SDK1: variants seen among roughly 807,000 people sequenced by gnomAD.
SDK1 encodes sidekick cell adhesion molecule 1.
A neutral mutation model predicts 245.5 loss-of-function variants in SDK1; 157 were observed. The ratio of observed to expected loss-of-function variants is 0.64; its 90% CI spans 0.56 to 0.73. The LOEUF (loss-of-function observed/expected upper bound fraction) is 0.73. Among genes scored for constraint, SDK1 ranks in the 30% least tolerant of loss-of-function variants. SDK1 has a pLI of 0.00. For synonymous variants in SDK1, 1,647 were observed against 1,278.5 expected, an observed-to-expected ratio of 1.29 and a Z score of -6.15; for missense variants, 3,583 against 3,002.3, an observed-to-expected ratio of 1.19 and a Z score of -4.52.
At chr7:4,000,913 A>G (rs1259187602) in intron 14 of SDK1, among the ~76,000 whole-genome samples, 1 of 152,004 alleles carries the variant, frequency 6.6e-6, no homozygotes, top group Non-Finnish European at 1.5e-5. Context: ...AGAGGTGTTT[A>G]TGAAGGGGGG....
At chr7:4,235,870 C>G (rs975023602) in intron 41 of SDK1, among the ~76,000 whole-genome samples, 1 of 152,216 alleles carries the variant, frequency 6.6e-6, no homozygotes, top group Non-Finnish European at 1.5e-5. Context: ...GGTGTCCTGC[C>G]CCGTATGAGA....
At chr7:4,217,009 C>G (rs1276770327) in intron 38 of SDK1, among the ~76,000 whole-genome samples, 2 of 138,402 alleles carry the variant, frequency 1.4e-5, no homozygotes, top group South Asian at 2.6e-4. Flanking sequence ...ACCAGGCCAC[C>G]CGGAGCACCA....
chr7:3,938,642 T>A (rs1780246321), intron 5 of SDK1, among the ~76,000 whole-genome samples: 1 of 120,130 alleles, frequency 8.3e-6, no homozygotes, highest in Non-Finnish European at 1.5e-5. Flanking sequence ...TGAGACTCCG[T>A]CTCAAAAAAA....
chr7:3,308,207 A>C (rs1779466358), intron 1 of SDK1, among the ~76,000 whole-genome samples: 1 of 152,178 alleles, frequency 6.6e-6, no homozygotes, highest in South Asian at 2.1e-4. Flanking sequence ...GCTTATTTAT[A>C]TACATGGCTG....
At chr7:3,925,921 A>C (rs1177580260) in intron 5 of SDK1, among the ~76,000 whole-genome samples, 1 of 152,174 alleles carries the variant, frequency 6.6e-6, no homozygotes, top group South Asian at 2.1e-4. Flanking sequence ...CTGTATTGCC[A>C]CAAGTAGGTT....
At chr7:3,311,306 G>T (rs1262913287) in intron 1 of SDK1, among the ~76,000 whole-genome samples, 1 of 152,094 alleles carries the variant, frequency 6.6e-6, no homozygotes, top group African/African-American at 2.4e-5. Flanking sequence ...TGCTTAGAGA[G>T]GTAAATAGAT....
At chr7:3,466,818 C>G (rs993263145) in intron 1 of SDK1, among the ~76,000 whole-genome samples, 2 of 151,890 alleles carry the variant, frequency 1.3e-5, no homozygotes, top group African/African-American at 4.8e-5. Flanking sequence ...AGGACATTTT[C>G]ATAACCAAGG....
chr7:3,818,935 A>G (rs946744356), intron 4 of SDK1, among the ~76,000 whole-genome samples: 10 of 152,164 alleles, frequency 6.6e-5, no homozygotes, highest in African/African-American at 2.4e-4. Flanking sequence ...TGCAGGGGGA[A>G]GGCATGGTTG....
chr7:3,398,657 T>TTTTA (rs1398701363), intron 1 of SDK1, among the ~76,000 whole-genome samples: 1 of 151,754 alleles, frequency 6.6e-6, no homozygotes, highest in Non-Finnish European at 1.5e-5. Context: ...TTATTTTTAT[T>TTTTA]TTTATTTATT....
At chr7:3,691,556 C>A (rs530978973) in intron 4 of SDK1, among the ~76,000 whole-genome samples, 1 of 152,270 alleles carries the variant, frequency 6.6e-6, no homozygotes, top group African/African-American at 2.4e-5. Context: ...ATTCAAAATA[C>A]AAAGTAGAAG....
rs1004579655 is a variant in SDK1 at position 3,744,869 on chromosome 7, AAAAC to A, written c.714-76573_714-76570del. ...AAAAAGAAAAACAATTTAAAAATAG[AAAAC>A]AAACAAAAATGTATAGTATATCCAA... On this transcript the variant is annotated intron_variant, in intron 4 of 44. Coordinates refer to ENST00000404826, the MANE Select transcript of SDK1 (RefSeq NM_152744.4). Among the ~76,000 whole-genome samples, 59 of 152,282 alleles carry A rather than the reference AAAAC, an allele frequency of 3.9e-4. 1 individual carries two copies. Among genetic ancestry groups the A allele is most frequent in the Admixed American group, 1.4e-3 (22 of 15,306 alleles).
At chr7:3,764,699 A>G (rs1195701044) in intron 4 of SDK1, among the ~76,000 whole-genome samples, 2 of 151,224 alleles carry the variant, frequency 1.3e-5, no homozygotes, top group Non-Finnish European at 2.9e-5. Flanking sequence ...AAAAAAATCT[A>G]AAAAAAAATA....
At chr7:3,959,594 T>C (rs534664616) in intron 8 of SDK1, among the ~76,000 whole-genome samples, 1 of 152,128 alleles carries the variant, frequency 6.6e-6, no homozygotes, top group Non-Finnish European at 1.5e-5. Context: ...TGAGTCCCCA[T>C]TGTCTGTCCT....
At chr7:3,759,094 A>G (rs1048387209) in intron 4 of SDK1, among the ~76,000 whole-genome samples, 2 of 152,208 alleles carry the variant, frequency 1.3e-5, no homozygotes, top group African/African-American at 4.8e-5. Context: ...GCTGACGTGT[A>G]TCCTGCGAGA....
At chr7:3,822,503 C>T (rs759257115) in intron 5 of SDK1, among the ~76,000 whole-genome samples, 3 of 152,164 alleles carry the variant, frequency 2.0e-5, no homozygotes, top group Admixed American at 6.5e-5. Flanking sequence ...GGCATGGTAG[C>T]TCACACCTGT....
At chr7:4,003,555 T>G (rs1785235572) in intron 14 of SDK1, among the ~76,000 whole-genome samples, 1 of 152,240 alleles carries the variant, frequency 6.6e-6, no homozygotes, top group South Asian at 2.1e-4. Context: ...ATTTGTCTGA[T>G]GTTCTTCTCT....
chr7:3,823,761 A>G (rs1030798983), intron 5 of SDK1, among the ~76,000 whole-genome samples: 1 of 152,162 alleles, frequency 6.6e-6, no homozygotes, highest in African/African-American at 2.4e-5. Flanking sequence ...GACTTATTTT[A>G]AATCTTAGGA....
chr7:3,505,214 T>C (rs1444237104), intron 1 of SDK1, among the ~76,000 whole-genome samples: 1 of 152,224 alleles, frequency 6.6e-6, no homozygotes, highest in Admixed American at 6.5e-5. Context: ...ACCTATTTTT[T>C]TTTGATCTAG....
intron 5 of SDK1, among the ~76,000 whole-genome samples, chr7:3,827,825 C>G (rs1164297609): frequency 6.6e-6 from 1 of 152,110 alleles, no homozygotes; most frequent in Non-Finnish European, 1.5e-5. Context: ...TGGAAGCTGT[C>G]TGGATATTTG....
Sources: allele counts gnomAD v4.1 joint callset (sites outside exome capture counted in the v4.1 genomes callset), GRCh38; gene constraint gnomAD v4.1.1; transcripts MANE v1.5; gene names NCBI Gene and HGNC (gene_info 2026-07-23, HGNC 2026-07-21).